MAPRE2: variants seen among roughly 807,000 people sequenced by gnomAD.
MAPRE2 encodes the protein microtubule associated protein RP/EB family member 2, also known as microtubule-associated protein RP/EB family member 2.
In MAPRE2, 13 loss-of-function variants were observed where a neutral mutation model predicts 43.2. The observed-to-expected ratio is 0.30, with a 90% confidence interval of 0.20 to 0.48. MAPRE2 has a LOEUF of 0.48. Ranked by LOEUF, MAPRE2 falls within the 20% of genes least tolerant of loss-of-function variation. The pLI is 0.99. For synonymous variants in MAPRE2, 135 were observed against 148.8 expected (o/e 0.91, Z 0.68); for missense variants, 161 against 400.2 (o/e 0.40, Z 5.10).
chr18:34,984,956 TATATAAAATATATAATATATAAAA>T (rs2097018508), intron 1 of MAPRE2, among the ~76,000 whole-genome samples: 1 of 11,612 alleles, frequency 8.6e-5, no homozygotes, highest in African/African-American at 1.9e-4. Flanking sequence ...AAATATATTA[TATATAAAATATATAATATATAAAA>T]TATATTATAT....
rs1908918997 is a variant in MAPRE2, at chr18:35,106,598, GT to G, written c.610+4446del. Reference sequence around the variant, plus strand: ...ACATTCTAAATACTTGGTGCATCCTGTTTTTTTAAGAACATGCTAGATTTTT... The same window carrying G: ...ACATTCTAAATACTTGGTGCATCCTGTTTTTTAAGAACATGCTAGATTTTT... On this transcript the variant is annotated intron_variant, in intron 4 of 6. Transcript: ENST00000300249. 3.3e-5 allele frequency among the ~76,000 whole-genome samples: 5 copies of G among 151,974 alleles called. No homozygotes were observed. The South Asian group carries it at 1.0e-3, about 31-fold the overall frequency.
intron 1 of MAPRE2, among the ~76,000 whole-genome samples, chr18:35,052,752 C>T (rs996316677): frequency 1.3e-5 from 2 of 152,144 alleles, no homozygotes; most frequent in African/African-American, 4.8e-5. Context: ...GTTGGCCATC[C>T]TTATGGATGT....
rs775982458 is a variant in MAPRE2 at position 35,142,292 on chromosome 18, T to G, written c.*1923T>G. The stretch of plus-strand genomic sequence containing the variant: ...CTTGTAAAAGGTCACAATAACTCTA[T>G]GCACCTGATACTGCAGTGGTTCCTA... On this transcript the variant is annotated 3_prime_UTR_variant, in exon 7 of 7. Transcript: ENST00000300249. The G allele has an allele frequency of 1.3e-5, 2 of 152,300 alleles. No individual in the cohort carries two copies. The highest frequency in any genetic ancestry group is 2.9e-5 in the Non-Finnish European group (2 of 68,070). 9.4% of individuals were successfully genotyped at this position (152,300 alleles called of 1,614,324 possible).
At chr18:35,095,318 A>G (rs1339935325) in intron 2 of MAPRE2, among the ~76,000 whole-genome samples, 1 of 151,820 alleles carries the variant, frequency 6.6e-6, no homozygotes, top group African/African-American at 2.4e-5. Flanking sequence ...AAAAATGGGT[A>G]TAATGTGATT....
At chr18:35,041,831 C>A in intron 1 of MAPRE2, 170 bp downstream of exon 1, 1 of 1,443,058 alleles carries the variant, frequency 6.9e-7, no homozygotes, top group South Asian at 1.4e-5. Context: ...GTTGGGTTTG[C>A]ATTGAGGCTC....
At position 35,041,591 on chromosome 18, in the gene MAPRE2, A is replaced by G; in HGVS notation, c.52A>G (p.Ile18Val). Residue 18 changes from isoleucine (I) to valine (V), a missense_variant, in exon 1 of 7, where the codon ATC becomes GTC. By Grantham distance (29) the Ile-to-Val change is conservative. Transcript: ENST00000300249. The part of the protein sequence containing the change: ...LSPNGENNND[I>V]IQDNNGTIIP... Reference sequence around the variant, plus strand: ...CCCAAATGGCGAGAACAACAACGACATCATCCAGGATAATAACGGGACCAT... The same window carrying G: ...CCCAAATGGCGAGAACAACAACGACGTCATCCAGGATAATAACGGGACCAT... The G allele has an allele frequency of 1.2e-6, 2 of 1,614,240 alleles. No homozygotes were observed. Among genetic ancestry groups the G allele is most frequent in the Non-Finnish European group, 1.7e-6 (2 of 1,180,050 alleles).
intron 6 of MAPRE2, among the ~76,000 whole-genome samples, chr18:35,133,967 GT>G (rs1910277824): frequency 6.6e-6 from 1 of 152,182 alleles, no homozygotes; most frequent in Non-Finnish European, 1.5e-5. Context: ...TTCCTGCAAT[GT>G]ACATGCAACT....
At chr18:35,014,807 G>T (rs753441743) in intron 2 of MAPRE2, among the ~76,000 whole-genome samples, 4 of 151,974 alleles carry the variant, frequency 2.6e-5, no homozygotes, top group Non-Finnish European at 4.4e-5. Context: ...GTGGCCCCAG[G>T]GACAAGCACT....
At chr18:35,063,314 A>C (rs538247762) in intron 1 of MAPRE2, among the ~76,000 whole-genome samples, 1 of 151,792 alleles carries the variant, frequency 6.6e-6, no homozygotes, top group African/African-American at 2.4e-5. Flanking sequence ...TCACCGTGTT[A>C]GCCAGGATGG....
At chr18:35,009,397 T>C (rs1023323946) in intron 2 of MAPRE2, among the ~76,000 whole-genome samples, 5 of 152,174 alleles carry the variant, frequency 3.3e-5, no homozygotes, top group African/African-American at 7.2e-5. Flanking sequence ...TAAAGAATAT[T>C]TTTTAAAAAA....
At chr18:35,006,882 G>T (rs1407397554) in intron 2 of MAPRE2, among the ~76,000 whole-genome samples, 1 of 152,188 alleles carries the variant, frequency 6.6e-6, no homozygotes, top group Non-Finnish European at 1.5e-5. Context: ...AGAATCACTT[G>T]AACCCAGGAG....
chr18:35,075,600 G>T (rs1042793828), intron 2 of MAPRE2, among the ~76,000 whole-genome samples: 1 of 152,136 alleles, frequency 6.6e-6, no homozygotes, highest in Non-Finnish European at 1.5e-5. Context: ...TGTTAGGGAG[G>T]TAATTGTAAT....
intron 2 of MAPRE2, among the ~76,000 whole-genome samples, chr18:35,022,828 G>A (rs1338278591): frequency 1.3e-5 from 2 of 152,166 alleles, no homozygotes; most frequent in African/African-American, 4.8e-5. Context: ...ACACAGTAGA[G>A]AGTCAACAGG....
chr18:35,106,766 A>G (rs1485654279), intron 4 of MAPRE2, among the ~76,000 whole-genome samples: 5 of 152,166 alleles, frequency 3.3e-5, no homozygotes, highest in African/African-American at 1.2e-4. Flanking sequence ...CCTAAGGGTA[A>G]ATGGCTGCTT....
chr18:35,015,327 A>G (rs1468295579), intron 2 of MAPRE2, among the ~76,000 whole-genome samples: 2 of 152,118 alleles, frequency 1.3e-5, no homozygotes, highest in Admixed American at 6.6e-5. Flanking sequence ...ACCCCTGTAT[A>G]TAGGGGAAAA....
At chr18:34,985,095 A>G (rs1410126086) in intron 1 of MAPRE2, among the ~76,000 whole-genome samples, 2 of 89,238 alleles carry the variant, frequency 2.2e-5, no homozygotes, top group Non-Finnish European at 3.8e-5. Context: ...AATATATATT[A>G]TATAATATAT....
At chr18:34,995,904 G>A (rs565424375) in intron 1 of MAPRE2, among the ~76,000 whole-genome samples, 1 of 152,248 alleles carries the variant, frequency 6.6e-6, no homozygotes, top group South Asian at 2.1e-4. Context: ...TAGACCAGCA[G>A]CATCACCTAG....
chr18:35,008,835 A>G (rs947493478), intron 2 of MAPRE2, among the ~76,000 whole-genome samples: 1 of 152,180 alleles, frequency 6.6e-6, no homozygotes, highest in African/African-American at 2.4e-5. Flanking sequence ...ATTTACAAAC[A>G]TTTATAGTTT....
chr18:35,050,913 A>G (rs1218815360), intron 1 of MAPRE2, among the ~76,000 whole-genome samples: 2 of 152,176 alleles, frequency 1.3e-5, no homozygotes, highest in Non-Finnish European at 2.9e-5. Flanking sequence ...AGACTGACCA[A>G]TTAAGAAAAA....
Sources: allele counts gnomAD v4.1 joint callset (sites outside exome capture counted in the v4.1 genomes callset), GRCh38; gene constraint gnomAD v4.1.1; transcripts MANE v1.5; gene names NCBI Gene and HGNC (gene_info 2026-07-23, HGNC 2026-07-21).